The following DPP10 variants were observed in gnomAD, a reference collection of about 807,000 sequenced individuals.
DPP10 encodes inactive dipeptidyl peptidase 10.
DPP10 carries 33 observed loss-of-function variants against 120.9 expected under a neutral mutation model. The observed-to-expected ratio is 0.27, with a 90% confidence interval of 0.21 to 0.37. DPP10 has a LOEUF of 0.37. Ranked by LOEUF, DPP10 falls within the 10% of genes least tolerant of loss-of-function variation. The pLI is 1.00. For synonymous variants in DPP10, 337 were observed against 326.1 expected, an observed-to-expected ratio of 1.03 and a Z score of -0.36; for missense variants, 816 against 942.8, an observed-to-expected ratio of 0.87 and a Z score of 1.76.
At chr2:114,839,207 A>C (rs867270895) in intron 1 of DPP10, among the ~76,000 whole-genome samples, 24 of 152,188 alleles carry the variant, frequency 1.6e-4, no homozygotes, top group Admixed American at 8.5e-4. Flanking sequence ...ATCTATGTAA[A>C]TGGCAATTAA....
intron 5 of DPP10, among the ~76,000 whole-genome samples, chr2:115,571,359 T>C (rs2081327876): frequency 6.6e-6 from 1 of 152,134 alleles, no homozygotes; most frequent in Non-Finnish European, 1.5e-5. Flanking sequence ...ACCTAGTAGT[T>C]AGTTTTTCAA....
intron 1 of DPP10, among the ~76,000 whole-genome samples, chr2:115,258,160 A>G (rs2059090720): frequency 6.6e-6 from 1 of 152,238 alleles, no homozygotes; most frequent in Admixed American, 6.5e-5. Flanking sequence ...TTGTCATGGT[A>G]CACTGAAATA....
At chr2:115,619,732 C>T (rs1254953720) in intron 5 of DPP10, among the ~76,000 whole-genome samples, 1 of 152,164 alleles carries the variant, frequency 6.6e-6, no homozygotes, top group African/African-American at 2.4e-5. Flanking sequence ...GTGTGGACTT[C>T]TATCACAACA....
intron 3 of DPP10, among the ~76,000 whole-genome samples, chr2:115,473,064 A>G (rs2074837366): frequency 6.6e-6 from 1 of 152,218 alleles, no homozygotes; most frequent in Admixed American, 6.5e-5. Context: ...AATATAATAA[A>G]TGAAAATGTG....
At chr2:114,486,742 A>G (rs981427242) in intron 1 of DPP10, among the ~76,000 whole-genome samples, 2 of 152,118 alleles carry the variant, frequency 1.3e-5, no homozygotes, top group African/African-American at 4.8e-5. Context: ...TAATGCATGC[A>G]TATGGATTTA....
chr2:115,368,758 T>G (rs2065227189), intron 3 of DPP10, among the ~76,000 whole-genome samples: 1 of 151,356 alleles, frequency 6.6e-6, no homozygotes, highest in Non-Finnish European at 1.5e-5. Context: ...AGTCGGCTCC[T>G]TTTTTAAATT....
intron 1 of DPP10, among the ~76,000 whole-genome samples, chr2:114,629,045 G>C (rs944541874): frequency 6.6e-6 from 1 of 152,094 alleles, no homozygotes; most frequent in Non-Finnish European, 1.5e-5. Flanking sequence ...ACAGCTGGTG[G>C]ATCATGTTGT....
chr2:114,967,093 C>A (rs1699089071), intron 1 of DPP10, among the ~76,000 whole-genome samples: 1 of 151,988 alleles, frequency 6.6e-6, no homozygotes. Context: ...AAAGTGGAGA[C>A]AGCAGGGTCA....
intron 2 of DPP10, among the ~76,000 whole-genome samples, chr2:115,340,223 G>A (rs1205408160): frequency 6.6e-6 from 1 of 152,058 alleles, no homozygotes; most frequent in Non-Finnish European, 1.5e-5. Context: ...ACTCATAATT[G>A]AAATGTTTAA....
rs946740488 is a variant in DPP10 at position 115,845,603 on chromosome 2, A to G, written c.*3258A>G. 6.6e-6 allele frequency: 1 copy of G among 152,026 alleles called. No individual in the cohort carries two copies. The highest frequency in any genetic ancestry group is 1.5e-5 in the Non-Finnish European group (1 of 68,002). The allele number at this position is 152,026 out of a possible 1,614,324, so 9.4% of individuals were successfully genotyped here. A position where few individuals can be genotyped will look rare whatever the true frequency, so the allele number is the denominator to read the frequency against. On this transcript the variant is annotated 3_prime_UTR_variant, in exon 26 of 26. Transcript: ENST00000410059. ...TTTAAGCTCCCTACTCCTATTCCCTATGATCACTTTCCAAAATAAACGGCA... is the reference window on the plus strand; with the variant it reads ...TTTAAGCTCCCTACTCCTATTCCCTGTGATCACTTTCCAAAATAAACGGCA...
intron 5 of DPP10, among the ~76,000 whole-genome samples, chr2:115,544,777 G>C (rs1045592522): frequency 1.3e-5 from 2 of 152,020 alleles, no homozygotes; most frequent in Admixed American, 6.6e-5. Flanking sequence ...CTACAGAGGG[G>C]TATAAACTGT....
intron 21 of DPP10, among the ~76,000 whole-genome samples, chr2:115,819,359 TATA>T (rs1434469226): frequency 6.6e-6 from 1 of 152,222 alleles, no homozygotes; most frequent in Admixed American, 6.5e-5. Context: ...ATCCTCTTAT[TATA>T]TGCTTAATCA....
At chr2:114,525,639 G>A (rs950787828) in intron 1 of DPP10, among the ~76,000 whole-genome samples, 8 of 152,160 alleles carry the variant, frequency 5.3e-5, no homozygotes, top group African/African-American at 1.7e-4. Context: ...TTTGATTCCA[G>A]TTTTGATTTT....
At chr2:115,494,489 T>C (rs2076290010) in intron 3 of DPP10, among the ~76,000 whole-genome samples, 1 of 152,114 alleles carries the variant, frequency 6.6e-6, no homozygotes, top group East Asian at 1.9e-4. Context: ...CTTCAAAATA[T>C]GAGGAAAGTT....
At chr2:114,883,820 T>G (rs1378507620) in intron 1 of DPP10, among the ~76,000 whole-genome samples, 1 of 152,298 alleles carries the variant, frequency 6.6e-6, no homozygotes, top group East Asian at 1.9e-4. Flanking sequence ...TGGAAGAAAT[T>G]GGAACCCTCA....
chr2:114,918,040 T>C (rs1694932158), intron 1 of DPP10, among the ~76,000 whole-genome samples: 1 of 152,084 alleles, frequency 6.6e-6, no homozygotes, highest in Non-Finnish European at 1.5e-5. Flanking sequence ...GAGAAAATAT[T>C]CTCAAACTAT....
intron 3 of DPP10, among the ~76,000 whole-genome samples, chr2:115,384,091 G>A (rs1023464236): frequency 6.6e-6 from 1 of 152,200 alleles, no homozygotes; most frequent in African/African-American, 2.4e-5. Context: ...AACTAAAAGA[G>A]ATTGAAGTCA....
At chr2:114,678,735 AAATT>A (rs1387139969) in intron 1 of DPP10, among the ~76,000 whole-genome samples, 16 of 152,180 alleles carry the variant, frequency 1.1e-4, no homozygotes, top group African/African-American at 3.8e-4. Flanking sequence ...CCCAGGCAGA[AAATT>A]AATTGATTGA....
At chr2:115,757,248 T>A (rs536244181) in intron 11 of DPP10, among the ~76,000 whole-genome samples, 1 of 152,100 alleles carries the variant, frequency 6.6e-6, no homozygotes, top group South Asian at 2.1e-4. Flanking sequence ...AGACAACATT[T>A]TAGACTGATC....
Sources: gnomAD v4.1 joint callset for allele counts (sites outside exome capture counted in the v4.1 genomes callset) on GRCh38, gnomAD v4.1.1 for gene constraint, MANE v1.5 for transcripts, NCBI Gene and HGNC (gene_info 2026-07-23, HGNC 2026-07-21) for gene names.